The following ELP1 variants were observed in gnomAD, a reference collection of about 807,000 sequenced individuals.
ELP1 encodes the protein elongator acetyltransferase complex subunit 1, also known as elongator complex protein 1.
ELP1 carries 131 observed loss-of-function variants against 183.2 expected under a neutral mutation model. The ratio of observed to expected loss-of-function variants is 0.72; its 90% CI spans 0.62 to 0.83. ELP1 has a LOEUF of 0.83. Among genes scored for constraint, ELP1 ranks in the 40% least tolerant of loss-of-function variants. The probability of loss-of-function intolerance (pLI) is 0.00; values close to 1 mark genes in which losing one functional copy is unlikely to be tolerated. For synonymous variants in ELP1, 555 were observed against 569.0 expected (o/e 0.98, Z 0.35); for missense variants, 1,550 against 1,594.9 (o/e 0.97, Z 0.48).
At chr9:108,931,288 G>A in intron 1 of ELP1, 87 bp from the exon 2 acceptor site, 1 of 892,542 alleles carries the variant, frequency 1.1e-6, no homozygotes, top group Middle Eastern at 2.9e-4. Flanking sequence ...GTGGTAGTCA[G>A]AATCAGAATA....
intron 16 of ELP1, 89 bp downstream of exon 16, chr9:108,902,750 C>T: frequency 1.1e-6 from 1 of 930,628 alleles, no homozygotes; most frequent in Non-Finnish European, 1.8e-6. Flanking sequence ...AGACCCAAGT[C>T]CACCTCCAAA....
intron 15 of ELP1, 137 bp downstream of exon 15, chr9:108,903,426 C>A: frequency 1.4e-6 from 1 of 694,992 alleles, no homozygotes; most frequent in Admixed American, 2.2e-5. Context: ...GCCAATTCCA[C>A]TCTAAAGCTT....
chr9:108,902,425 G>A (rs1828842727), intron 16 of ELP1, among the ~76,000 whole-genome samples: 1 of 152,168 alleles, frequency 6.6e-6, no homozygotes, highest in African/African-American at 2.4e-5. Flanking sequence ...TTCCAGAAGA[G>A]CAGGAATTAG....
intron 5 of ELP1, among the ~76,000 whole-genome samples, chr9:108,924,044 T>C (rs1199444472): frequency 6.6e-6 from 1 of 152,218 alleles, no homozygotes; most frequent in Non-Finnish European, 1.5e-5. Flanking sequence ...TGGTAGTGAC[T>C]ATCCTGGTGC....
chr9:108,897,409 A>G (rs1828600663), intron 22 of ELP1, 124 bp from the exon 23 acceptor site: 4 of 996,398 alleles, frequency 4.0e-6, no homozygotes, highest in Non-Finnish European at 6.2e-6. Context: ...GAGTTGAATT[A>G]TAAAAATATT....
intron 21 of ELP1, 28 bp from the exon 22 acceptor site, chr9:108,898,609 G>C (rs374034967): frequency 1.3e-6 from 2 of 1,599,980 alleles, no homozygotes; most frequent in Non-Finnish European, 1.7e-6. Context: ...AAACATCTTC[G>C]TTCAGATCAT....
In ELP1 at chr9:108,891,404, C is replaced by A; in HGVS notation, c.2959G>T (p.Asp987Tyr). Reference sequence around the variant, plus strand: ...TGCTCCCCATAAGCAATGCTGATATCCTGTGACAAGAGGAGATTTAGGACT... The same window carrying A: ...TGCTCCCCATAAGCAATGCTGATATACTGTGACAAGAGGAGATTTAGGACT... Reference protein sequence around the residue: ...LYSPSSQQYQDISIAYGEHLM... With the variant: ...LYSPSSQQYQYISIAYGEHLM... Residue 987 changes from aspartate (D) to tyrosine (Y), a missense_variant and splice_region_variant, in exon 28 of 37, where the codon GAT (aspartate) becomes TAT (tyrosine). By Grantham distance (160) the Asp-to-Tyr change is radical (BLOSUM62 -3). Transcript: ENST00000374647. 1 of 1,613,120 alleles carries A rather than the reference C, an allele frequency of 6.2e-7. No individual in the cohort carries two copies. The highest frequency in any genetic ancestry group is 8.5e-7 in the Non-Finnish European group (1 of 1,179,838).
intron 28 of ELP1, chr9:108,889,781 A>G (rs1188601135): frequency 1.1e-5 from 3 of 284,632 alleles, no homozygotes; most frequent in Non-Finnish European, 2.0e-5. Context: ...TCTCAGCCCA[A>G]TTGAGATAAA....
intron 34 of ELP1, 27 bp from the exon 35 acceptor site, chr9:108,878,176 G>GT: frequency 6.3e-7 from 1 of 1,587,730 alleles, no homozygotes; most frequent in Non-Finnish European, 8.6e-7. Flanking sequence ...TGAAAGAGTG[G>GT]TAAGTTATAT....
chr9:108,920,351 G>C (rs1301438196), intron 6 of ELP1, among the ~76,000 whole-genome samples: 1 of 143,190 alleles, frequency 7.0e-6, no homozygotes, highest in African/African-American at 2.6e-5. Context: ...GCACAATCTT[G>C]GCTCACCGCA....
In ELP1 at chr9:108,906,210, T is replaced by C. The variant is rs1829012053; in HGVS notation, c.1643+93A>G. 14 of 1,236,150 alleles carry C rather than the reference T, an allele frequency of 1.1e-5. No individual in the cohort carries two copies. The South Asian group carries it at 1.7e-4, about 15-fold the overall frequency. The allele number at this position is 1,236,150 out of a possible 1,614,324, so 76.6% of individuals were successfully genotyped here. ...CAAGAAAGCTACTGCTCCTCAACCTTGATCAATAGAAGTCAAAAGTTGTAT... is the reference window on the plus strand; with the variant it reads ...CAAGAAAGCTACTGCTCCTCAACCTCGATCAATAGAAGTCAAAAGTTGTAT... On this transcript the variant is annotated intron_variant, in intron 14 of 36. Coordinates refer to ENST00000374647, the MANE Select transcript of ELP1 (RefSeq NM_003640.5).
intron 10 of ELP1, among the ~76,000 whole-genome samples, chr9:108,913,906 C>T (rs1009681461): frequency 3.3e-5 from 5 of 152,182 alleles, no homozygotes; most frequent in African/African-American, 9.7e-5. Flanking sequence ...ACTGGTTAAT[C>T]GGTGGTTCTC....
At chr9:108,889,302 G>A (rs143235271) in intron 29 of ELP1, 30 bp downstream of exon 29, 1 of 1,596,386 alleles carries the variant, frequency 6.3e-7, no homozygotes, top group Non-Finnish European at 8.6e-7. Context: ...TTGCTGACTG[G>A]GGGGTTTAGA....
chr9:108,926,834 C>CT (rs955436085), intron 4 of ELP1, among the ~76,000 whole-genome samples: 1 of 152,164 alleles, frequency 6.6e-6, no homozygotes, highest in African/African-American at 2.4e-5. Flanking sequence ...TACAGTTGAA[C>CT]TTAAAAGTCC....
intron 3 of ELP1, among the ~76,000 whole-genome samples, chr9:108,929,560 A>T (rs142669203): frequency 1.2e-4 from 18 of 152,388 alleles, no homozygotes; most frequent in Admixed American, 6.5e-5. Context: ...TCTGATTAAT[A>T]GATGCAGCAG....
chr9:108,931,200 C>G lies in ELP1; in HGVS notation c.-54G>C. The G allele has an allele frequency of 6.6e-7, 1 of 1,525,300 alleles. No homozygotes were observed. The highest frequency in any genetic ancestry group is 2.3e-5 in the East Asian group (1 of 44,370). 94.5% of individuals were successfully genotyped at this position (1,525,300 alleles called of 1,614,324 possible). On this transcript the variant is annotated splice_region_variant and 5_prime_UTR_variant, in exon 2 of 37. Transcript: ENST00000374647. The stretch of plus-strand genomic sequence containing the variant: ...AACTATCCCTTGATGAATCATTAAT[C>G]TCTAAGAGAAAAATAAATAGCTTAA...
At chr9:108,893,124 G>A (rs1828407212) in intron 26 of ELP1, 41 bp from the exon 27 acceptor site, 3 of 1,415,056 alleles carry the variant, frequency 2.1e-6, no homozygotes, top group Non-Finnish European at 3.0e-6. Context: ...CTTAAGACAT[G>A]GGAAGCATAA....
intron 28 of ELP1, chr9:108,889,642 G>A: frequency 1.8e-6 from 1 of 555,248 alleles, no homozygotes; most frequent in South Asian, 2.0e-5. Context: ...ATGGGAAAAT[G>A]ACCTGGTATC....
chr9:108,916,351 A>G (rs1015878990), intron 9 of ELP1, 54 bp from the exon 10 acceptor site: 142 of 1,319,536 alleles, frequency 1.1e-4, no homozygotes, highest in Non-Finnish European at 1.4e-4. Context: ...TTACTTCCAA[A>G]TCTTTATAAT....
Sources: gnomAD v4.1 joint callset for allele counts (sites outside exome capture counted in the v4.1 genomes callset) on GRCh38, gnomAD v4.1.1 for gene constraint, MANE v1.5 for transcripts, NCBI Gene and HGNC (gene_info 2026-07-23, HGNC 2026-07-21) for gene names.